LRPPRC: variants seen among roughly 807,000 people sequenced by gnomAD.
The protein encoded by LRPPRC is leucine rich pentatricopeptide repeat containing.
A neutral mutation model predicts 180.3 loss-of-function variants in LRPPRC; 120 were observed. The observed-to-expected ratio is 0.67, with a 90% CI of 0.57 to 0.77. The LOEUF (loss-of-function observed/expected upper bound fraction) is 0.77, where lower values mean the gene tolerates loss of function less well. Among genes scored for constraint, LRPPRC ranks in the 30% least tolerant of loss-of-function variants. LRPPRC has a pLI of 0.00. For missense variants in LRPPRC, 2,012 were observed against 1,657.2 expected (o/e 1.21, Z -3.72); for synonymous variants, 723 against 600.0 (o/e 1.21, Z -3.00).
chr2:43,924,345 AAG>A (rs942794850), intron 27 of LRPPRC, among the ~76,000 whole-genome samples: 2 of 152,208 alleles, frequency 1.3e-5, no homozygotes, highest in South Asian at 2.1e-4. Flanking sequence ...ATTGTTTGAA[AAG>A]AGAGATCGAA....
chr2:43,889,931 T>G, intron 36 of LRPPRC, 55 bp from the exon 37 acceptor site: 14 of 1,376,380 alleles, frequency 1.0e-5, no homozygotes, highest in Non-Finnish European at 1.5e-5. Flanking sequence ...TATCTTACTC[T>G]TTTCACCAAA....
intron 1 of LRPPRC, among the ~76,000 whole-genome samples, chr2:43,983,908 T>C (rs1674417515): frequency 6.6e-6 from 1 of 152,106 alleles, no homozygotes; most frequent in African/African-American, 2.4e-5. Context: ...CTCTAACCAT[T>C]AGTGATTCCA....
intron 32 of LRPPRC, 66 bp downstream of exon 32, chr2:43,901,254 G>T: frequency 7.6e-7 from 1 of 1,310,608 alleles, no homozygotes; most frequent in Non-Finnish European, 1.1e-6. Flanking sequence ...GTTTTTAAAA[G>T]GTGGTATCTG....
chr2:43,922,539 C>CTGG (rs1222620711), intron 27 of LRPPRC, among the ~76,000 whole-genome samples: 1 of 152,164 alleles, frequency 6.6e-6, no homozygotes, highest in Non-Finnish European at 1.5e-5. Flanking sequence ...GCGGGTGGAT[C>CTGG]ACAAGGTCAG....
chr2:43,892,234 T>C (rs1670515681), intron 36 of LRPPRC, among the ~76,000 whole-genome samples: 1 of 152,204 alleles, frequency 6.6e-6, no homozygotes, highest in Non-Finnish European at 1.5e-5. Context: ...CAGTCTTATA[T>C]TAGAAGATGT....
chr2:43,899,705 C>T (rs1670818520), intron 32 of LRPPRC, 100 bp from the exon 33 acceptor site: 2 of 747,888 alleles, frequency 2.7e-6, no homozygotes, highest in East Asian at 5.3e-5. Flanking sequence ...CATGCTAATA[C>T]TTTAGGAAAA....
chr2:43,913,045 A>G (rs1374025956), intron 29 of LRPPRC, among the ~76,000 whole-genome samples: 1 of 152,188 alleles, frequency 6.6e-6, no homozygotes, highest in Non-Finnish European at 1.5e-5. Context: ...CAATAGCACT[A>G]AAGAGAATAT....
chr2:43,906,390 A>G (rs1266475970), intron 30 of LRPPRC, among the ~76,000 whole-genome samples: 2 of 152,218 alleles, frequency 1.3e-5, no homozygotes, highest in Non-Finnish European at 2.9e-5. Flanking sequence ...GTTTGAAACA[A>G]AACACCAACT....
intron 23 of LRPPRC, among the ~76,000 whole-genome samples, chr2:43,936,690 G>C (rs980341060): frequency 6.6e-6 from 1 of 152,196 alleles, no homozygotes; most frequent in African/African-American, 2.4e-5. Flanking sequence ...AGCCTATCCT[G>C]ATGGAACTCT....
intron 29 of LRPPRC, among the ~76,000 whole-genome samples, chr2:43,916,876 C>A (rs939439564): frequency 7.4e-6 from 1 of 134,658 alleles, no homozygotes; most frequent in Non-Finnish European, 1.5e-5. Flanking sequence ...GCCCACGAGG[C>A]GGGGGCTGCA....
intron 36 of LRPPRC, among the ~76,000 whole-genome samples, chr2:43,892,462 A>C (rs891639868): frequency 3.9e-5 from 6 of 152,218 alleles, no homozygotes; most frequent in Admixed American, 3.9e-4. Flanking sequence ...ATGGATGTTT[A>C]TACATGGTTC....
At chr2:43,935,330 C>T (rs935369127) in intron 23 of LRPPRC, among the ~76,000 whole-genome samples, 2 of 152,114 alleles carry the variant, frequency 1.3e-5, no homozygotes, top group African/African-American at 4.8e-5. Context: ...TATTAAATGT[C>T]CACCAATAGC....
chr2:43,982,481 G>T, intron 1 of LRPPRC, 47 bp from the exon 2 acceptor site: 1 of 1,442,950 alleles, frequency 6.9e-7, no homozygotes. Flanking sequence ...TATCTATTTA[G>T]GTCATTTTTT....
chr2:43,941,293 A>C (rs1298017177), intron 23 of LRPPRC, among the ~76,000 whole-genome samples: 2 of 152,218 alleles, frequency 1.3e-5, no homozygotes, highest in African/African-American at 2.4e-5. Context: ...ACTCAGTCTC[A>C]TGGAACTGCT....
At chr2:43,900,865 T>C (rs1421596704) in intron 32 of LRPPRC, among the ~76,000 whole-genome samples, 1 of 151,678 alleles carries the variant, frequency 6.6e-6, no homozygotes, top group Non-Finnish European at 1.5e-5. Context: ...TCTAAATACC[T>C]CCCTTTTTGT....
At chr2:43,900,770 G>A (rs1335178822) in intron 32 of LRPPRC, among the ~76,000 whole-genome samples, 1 of 152,022 alleles carries the variant, frequency 6.6e-6, no homozygotes, top group Non-Finnish European at 1.5e-5. Flanking sequence ...ACTTTGCTAG[G>A]GAGCTTATTA....
chr2:43,968,952 T>C (rs1673678160), intron 11 of LRPPRC, among the ~76,000 whole-genome samples: 1 of 152,244 alleles, frequency 6.6e-6, no homozygotes. Context: ...TTAACTTGAC[T>C]ATGGTAATCA....
chr2:43,895,395 T>C (rs367862708), intron 35 of LRPPRC, among the ~76,000 whole-genome samples: 23 of 152,320 alleles, frequency 1.5e-4, no homozygotes, highest in African/African-American at 5.5e-4. Flanking sequence ...CAGGGCTTCT[T>C]CTATTTTAAA....
chr2:43,984,817 A>G lies in LRPPRC; in HGVS notation c.150-2383T>C, dbSNP rs114841086. On this transcript the variant is annotated intron_variant, in intron 1 of 37. Transcript: ENST00000260665. ...TAAGGACCAAAATTGATATAACCAC[A>G]TAAGGGGAAATTATTGTATCATCTC... Among the ~76,000 whole-genome samples the G allele has an allele frequency of 7.6e-3, 1,163 of 152,264 alleles. 16 individuals are homozygous for G. The highest frequency in any genetic ancestry group is 0.027 in the African/African-American group (1,107 of 41,536).
Sources: allele counts gnomAD v4.1 joint callset (sites outside exome capture counted in the v4.1 genomes callset), GRCh38; gene constraint gnomAD v4.1.1; transcripts MANE v1.5; gene names NCBI Gene and HGNC (gene_info 2026-07-23, HGNC 2026-07-21).